Variants in MACROD2 observed in about 807,000 individuals in gnomAD.
MACROD2 encodes the protein mono-ADP ribosylhydrolase 2.
Under a neutral mutation model 70.4 loss-of-function variants are expected in MACROD2, and 36 were observed. The observed-to-expected ratio is 0.51, with a 90% confidence interval of 0.39 to 0.68. The LOEUF is 0.68. Ranked by LOEUF, MACROD2 falls within the 30% of genes least tolerant of loss-of-function variation. The probability of loss-of-function intolerance (pLI) is 0.00; values close to 1 mark genes in which losing one functional copy is unlikely to be tolerated. For missense variants in MACROD2, 496 were observed against 538.4 expected, an observed-to-expected ratio of 0.92 and a Z score of 0.78; for synonymous variants, 172 against 178.8, an observed-to-expected ratio of 0.96 and a Z score of 0.30.
In MACROD2 at chr20:14,781,498, A is replaced by G. The variant is rs184571808; in HGVS notation, c.418+96539A>G. Reference sequence around the variant, plus strand: ...TTCCATCTAGTGTGCTATGGACCATATAACACAGAGTTGCAAAAAAATCTG... The same window carrying G: ...TTCCATCTAGTGTGCTATGGACCATGTAACACAGAGTTGCAAAAAAATCTG... On this transcript the variant is annotated intron_variant, in intron 5 of 17. Transcript: ENST00000684519. Among the ~76,000 whole-genome samples the G allele has an allele frequency of 2.1e-4, 30 of 144,250 alleles. 1 individual carries two copies. The East Asian group carries it at 5.6e-3, about 27-fold the overall frequency. The allele number at this position is 144,250 out of a possible 152,430, so 94.6% of individuals were successfully genotyped here.
At chr20:14,269,813 T>TC (rs2122347141) in intron 3 of MACROD2, among the ~76,000 whole-genome samples, 1 of 152,034 alleles carries the variant, frequency 6.6e-6, no homozygotes, top group Admixed American at 6.5e-5. Flanking sequence ...GGTTTTTTTT[T>TC]TATCATGTTG....
At chr20:15,233,293 T>C (rs2076975013) in intron 6 of MACROD2, among the ~76,000 whole-genome samples, 1 of 152,172 alleles carries the variant, frequency 6.6e-6, no homozygotes, top group African/African-American at 2.4e-5. Context: ...TTACTTTTCA[T>C]GTTGACAGGA....
intron 6 of MACROD2, among the ~76,000 whole-genome samples, chr20:15,269,983 A>G (rs1034247650): frequency 2.6e-5 from 4 of 152,152 alleles, no homozygotes; most frequent in African/African-American, 9.7e-5. Flanking sequence ...AAGACTCTAG[A>G]AGACTTAAAC....
intron 9 of MACROD2, among the ~76,000 whole-genome samples, chr20:15,866,772 A>T (rs1297730042): frequency 6.6e-6 from 1 of 152,180 alleles, no homozygotes; most frequent in African/African-American, 2.4e-5. Context: ...AACTTCTAAT[A>T]TGAGTTGAAT....
intron 3 of MACROD2, among the ~76,000 whole-genome samples, chr20:14,439,964 C>T (rs2122954641): frequency 1.3e-5 from 2 of 152,170 alleles, no homozygotes; most frequent in South Asian, 4.2e-4. Context: ...GAGGTTCTGC[C>T]CTCAACATTC....
At chr20:15,768,271 C>G (rs6105466) in intron 8 of MACROD2, among the ~76,000 whole-genome samples, 1 of 152,088 alleles carries the variant, frequency 6.6e-6, no homozygotes, top group Admixed American at 6.5e-5. Flanking sequence ...ATGTTATAGC[C>G]TATTACACCC....
At chr20:15,793,420 T>A (rs543502675) in intron 8 of MACROD2, among the ~76,000 whole-genome samples, 3 of 152,220 alleles carry the variant, frequency 2.0e-5, no homozygotes, top group Admixed American at 2.0e-4. Flanking sequence ...TCACTTGATA[T>A]CTTCCTGTTC....
intron 8 of MACROD2, among the ~76,000 whole-genome samples, chr20:15,740,944 T>C (rs1253379089): frequency 1.3e-5 from 2 of 152,070 alleles, no homozygotes; most frequent in Non-Finnish European, 2.9e-5. Context: ...CCCAGTCTCC[T>C]TTCAACCCAG....
chr20:14,017,181 T>C (rs954690772), intron 2 of MACROD2, among the ~76,000 whole-genome samples: 2 of 152,168 alleles, frequency 1.3e-5, no homozygotes, highest in African/African-American at 4.8e-5. Context: ...CTGATTTTCA[T>C]GTATTGATTT....
At chr20:15,276,443 A>G (rs2077394002) in intron 6 of MACROD2, among the ~76,000 whole-genome samples, 2 of 152,152 alleles carry the variant, frequency 1.3e-5, no homozygotes, top group Non-Finnish European at 1.5e-5. Context: ...CACCTTTGCT[A>G]AGAACTAACT....
At chr20:15,838,698 C>T (rs571390913) in intron 8 of MACROD2, among the ~76,000 whole-genome samples, 14 of 152,254 alleles carry the variant, frequency 9.2e-5, no homozygotes, top group South Asian at 2.1e-4. Flanking sequence ...GGATCCCACA[C>T]GCACAAAAGC....
At chr20:15,427,250 G>A (rs867935579) in intron 6 of MACROD2, among the ~76,000 whole-genome samples, 1 of 152,176 alleles carries the variant, frequency 6.6e-6, no homozygotes, top group Non-Finnish European at 1.5e-5. Context: ...GTCATTTCCA[G>A]ATGAAACTAT....
Position 15,006,895 on chromosome 20 carries a change from T to A in MACROD2, c.419-223045T>A, listed in dbSNP as rs1004160680. Among the ~76,000 whole-genome samples, 64 of 152,204 alleles carry A rather than the reference T, an allele frequency of 4.2e-4. 1 individual carries two copies. Among genetic ancestry groups the A allele is most frequent in the African/African-American group, 1.3e-3 (54 of 41,440 alleles). On this transcript the variant is annotated intron_variant, in intron 5 of 17. Transcript: ENST00000684519. ...GATCCAGTTTGCTCTCAAACCTGTT[T>A]ATGTCAACTGACATTGAATAATTTC...
At chr20:15,075,807 C>G (rs1176866378) in intron 5 of MACROD2, among the ~76,000 whole-genome samples, 1 of 152,134 alleles carries the variant, frequency 6.6e-6, no homozygotes, top group Non-Finnish European at 1.5e-5. Context: ...GGCAGCAACA[C>G]AGTGACCACT....
At chr20:14,904,158 A>G (rs2073931419) in intron 5 of MACROD2, among the ~76,000 whole-genome samples, 1 of 152,128 alleles carries the variant, frequency 6.6e-6, no homozygotes, top group African/African-American at 2.4e-5. Context: ...ATGGGTTACA[A>G]AGTTGGTTCT....
intron 5 of MACROD2, among the ~76,000 whole-genome samples, chr20:14,712,051 T>C (rs2071345190): frequency 6.6e-6 from 1 of 152,168 alleles, no homozygotes; most frequent in South Asian, 2.1e-4. Context: ...AAATCTCTAA[T>C]AGATTCAGGC....
At chr20:14,136,888 A>C (rs2148703252) in intron 3 of MACROD2, among the ~76,000 whole-genome samples, 1 of 152,290 alleles carries the variant, frequency 6.6e-6, no homozygotes, top group South Asian at 2.1e-4. Context: ...ATCTGCCCCC[A>C]GAATTCATTC....
chr20:14,773,708 A>G (rs2072199877), intron 5 of MACROD2, among the ~76,000 whole-genome samples: 1 of 152,102 alleles, frequency 6.6e-6, no homozygotes, highest in African/African-American at 2.4e-5. Context: ...CACATCTAAT[A>G]TATAGTTGAC....
At chr20:15,531,055 T>C (rs955359801) in intron 8 of MACROD2, among the ~76,000 whole-genome samples, 8 of 151,360 alleles carry the variant, frequency 5.3e-5, no homozygotes, top group African/African-American at 1.9e-4. Context: ...TTAAAGCTTA[T>C]AATTTTAAAT....
Sources: allele counts gnomAD v4.1 joint callset (sites outside exome capture counted in the v4.1 genomes callset), GRCh38; gene constraint gnomAD v4.1.1; transcripts MANE v1.5; gene names NCBI Gene and HGNC (gene_info 2026-07-23, HGNC 2026-07-21).